Variants in SPOCD1 observed in about 807,000 individuals in gnomAD.
SPOCD1 encodes SPOC domain-containing protein 1.
SPOCD1 carries 64 observed loss-of-function variants against 92.2 expected under a neutral mutation model. The observed-to-expected ratio is 0.69, with a 90% CI of 0.57 to 0.86. The LOEUF is 0.86. Among genes scored for constraint, SPOCD1 ranks in the 40% least tolerant of loss-of-function variants. The pLI, the probability that SPOCD1 is intolerant of heterozygous loss-of-function variation, is 0.00. For synonymous variants in SPOCD1, 578 were observed against 619.3 expected, an observed-to-expected ratio of 0.93 and a Z score of 0.99; for missense variants, 1,360 against 1,543.1, an observed-to-expected ratio of 0.88 and a Z score of 1.99.
rs1647568744 is a variant in SPOCD1, at chr1:31,791,232, T to C, written c.3022A>G (p.Ser1008Gly). ...GGGAGCAGCACAGCCAGCAACAGAC[T>C]TGAGTGAGTGACCTCCAGACCTGGG... The part of the protein sequence containing the change: ...LSPGLEVTHS[S>G]LLLAVLLPKE... Residue 1008 changes from serine (S) to glycine (G), a missense_variant, in exon 16 of 16, where the codon AGT becomes GGT. By Grantham distance (56) the Ser-to-Gly change is moderately conservative (BLOSUM62 0). This residue lies in a region of SPOCD1 where 614 missense variants were observed against 757.8 expected (regional missense o/e 0.81). Transcript: ENST00000360482. 3 of 1,593,534 alleles carry C rather than the reference T, an allele frequency of 1.9e-6. No individual in the cohort carries two copies. The highest frequency in any genetic ancestry group is 2.6e-6 in the Non-Finnish European group (3 of 1,168,400).
Position 31,790,733 on chromosome 1 carries a change from G to A in SPOCD1, c.3521C>T (p.Ser1174Phe), listed in dbSNP as rs1647521919. The part of the protein sequence containing the change: ...QALLCPQTKS[S>F]IPRPLQRLSS... Reference sequence around the variant, plus strand: ...CAAACGCTGCAGAGGGCGGGGGATGGAGCTCTTGGTCTGGGGGCACAGTAA... The same window carrying A: ...CAAACGCTGCAGAGGGCGGGGGATGAAGCTCTTGGTCTGGGGGCACAGTAA... The change falls in exon 16 of 16, where the codon TCC becomes TTC. Residue 1174 changes from serine to phenylalanine, a missense_variant. By Grantham distance (155) the Ser-to-Phe change is radical. Transcript: ENST00000360482. 1 of 1,552,072 alleles carries A rather than the reference G, an allele frequency of 6.4e-7. No individual in the cohort carries two copies. Among genetic ancestry groups the A allele is most frequent in the Non-Finnish European group, 8.7e-7 (1 of 1,147,148 alleles).
chr1:31,793,419 T>A lies in SPOCD1; in HGVS notation c.2544A>T (p.Pro848=). ...SPTEPQDRVP[P]SGLHVPAAPT... ...GTGCAGCAGGCACATGGAGCCCAGA[T>A]GGAGGGACCCTAGAGGGAGGGACAG... The change falls in exon 13 of 16, where the codon CCA becomes CCT. Residue 848 remains proline, a synonymous_variant. Transcript: ENST00000360482. The A allele has an allele frequency of 6.3e-7, 1 of 1,590,240 alleles. No homozygotes were observed. Among genetic ancestry groups the A allele is most frequent in the South Asian group, 1.1e-5 (1 of 87,380 alleles).
intron 2 of SPOCD1, among the ~76,000 whole-genome samples, chr1:31,810,723 A>G (rs1649143480): frequency 1.3e-5 from 2 of 152,204 alleles, no homozygotes; most frequent in South Asian, 2.1e-4. Context: ...TAGTAGGCAC[A>G]CTAATGAAAC....
rs745696090 is a variant in SPOCD1 at position 31,799,428 on chromosome 1, C to T, written c.1841G>A (p.Arg614His). Residue 614 changes from arginine (R) to histidine (H), a missense_variant, in exon 7 of 16, where the codon CGT (arginine) becomes CAT (histidine). Arg to His is a conservative substitution (Grantham distance 29). Transcript: ENST00000360482. ...AGTCCATAGTACCTCCTGCATGGAA[C>T]GGACAACAGTGCCCCGCACCCCAAT... Reference protein sequence around the residue: ...LYIGVRGTVVRSMQEVLWTRL... With the variant: ...LYIGVRGTVVHSMQEVLWTRL... 55 of 1,611,276 alleles carry T rather than the reference C, an allele frequency of 3.4e-5. 1 individual carries two copies. The South Asian group carries it at 5.5e-4, about 16-fold the overall frequency.
Position 31,790,706 on chromosome 1 carries a change from G to A in SPOCD1, c.3548C>T (p.Ser1183Phe), listed in dbSNP as rs1428882034. Residue 1183 changes from serine (S) to phenylalanine (F), a missense_variant, in exon 16 of 16, where the codon TCT (serine) becomes TTT (phenylalanine). Coordinates refer to ENST00000360482, the MANE Select transcript of SPOCD1 (RefSeq NM_144569.7). ...SSIPRPLQRL[S>F]SALAAPEPPG... ...GGGCTCTGGAGCTGCAAGGGCGCTA[G>A]ACAAACGCTGCAGAGGGCGGGGGAT... The A allele has an allele frequency of 6.4e-7, 1 of 1,551,802 alleles. No individual in the cohort carries two copies. The highest frequency in any genetic ancestry group is 1.4e-5 in the African/African-American group (1 of 73,076).
rs544009900 is a variant in SPOCD1 at position 31,813,951 on chromosome 1, C to A, written c.1383G>T (p.Leu461=). 3 of 1,513,152 alleles carry A rather than the reference C, an allele frequency of 2.0e-6. No homozygotes were observed. The highest frequency in any genetic ancestry group is 2.8e-5 in the South Asian group (2 of 72,276). 93.7% of individuals were successfully genotyped at this position (1,513,152 alleles called of 1,614,324 possible). Residue 461 remains leucine, a splice_region_variant and synonymous_variant, in exon 2 of 16, where the codon CTG becomes CTT. Transcript: ENST00000360482. ...TCCCAAACTCTCAGACTCAGCTCAC[C>A]AGTCTGGGGCAGCCTCCTGGGCTGG... is the stretch of plus-strand genomic sequence containing the variant. ...EEPSPGGCPR[L]EEVKIPHGVK... is the part of the protein sequence containing the mutation.
At chr1:31,800,362 G>C in intron 4 of SPOCD1, 79 bp downstream of exon 4, 1 of 1,463,830 alleles carries the variant, frequency 6.8e-7, no homozygotes, top group Non-Finnish European at 9.1e-7. Context: ...CCCTCTCTCT[G>C]AGCCTCAGTG....
In SPOCD1 at chr1:31,800,440, C is replaced by T. The variant is rs1301829657; in HGVS notation, c.1602+1G>A. 2 of 1,577,960 alleles carry T rather than the reference C, an allele frequency of 1.3e-6. No homozygotes were observed. Among genetic ancestry groups the T allele is most frequent in the Non-Finnish European group, 1.7e-6 (2 of 1,160,654 alleles). On this transcript the variant is annotated splice_donor_variant, in intron 4 of 15. Transcript: ENST00000360482. LOFTEE classifies it high-confidence loss of function. ...ATTAAATGACATCACTTGTTCTGTA[C>T]CTGGCACCCAGCAGGGCCCTGCACC... is the stretch of plus-strand genomic sequence containing the variant.
chr1:31,812,729 C>T (rs1019709353), intron 2 of SPOCD1, among the ~76,000 whole-genome samples: 1 of 152,204 alleles, frequency 6.6e-6, no homozygotes, highest in African/African-American at 2.4e-5. Flanking sequence ...ACATGTTAAG[C>T]AAGCCAGATG....
chr1:31,806,314 A>G (rs1202253999), intron 2 of SPOCD1, among the ~76,000 whole-genome samples: 1 of 152,190 alleles, frequency 6.6e-6, no homozygotes, highest in Non-Finnish European at 1.5e-5. Context: ...AATACATATT[A>G]TTTTCCAGTA....
At chr1:31,810,354 AT>A (rs35691769) in intron 2 of SPOCD1, among the ~76,000 whole-genome samples, 1,437 of 137,902 alleles carry the variant, frequency 0.01, 16 homozygotes, top group African/African-American at 0.032. Context: ...TTAGTGTTGA[AT>A]TTTTTTTTTT....
At chr1:31,793,250 G>A (rs1211076270) in intron 13 of SPOCD1, 28 bp downstream of exon 13, 1 of 1,572,136 alleles carries the variant, frequency 6.4e-7, no homozygotes, top group Non-Finnish European at 8.6e-7. Flanking sequence ...GTGTGTAAGG[G>A]AATCCCTGGC....
At chr1:31,810,167 G>T (rs1649106714) in intron 2 of SPOCD1, among the ~76,000 whole-genome samples, 1 of 152,024 alleles carries the variant, frequency 6.6e-6, no homozygotes, top group Non-Finnish European at 1.5e-5. Flanking sequence ...CCACTAGACT[G>T]TAAGATCCCT....
chr1:31,804,262 C>G (rs1306424847), intron 2 of SPOCD1, among the ~76,000 whole-genome samples: 1 of 152,008 alleles, frequency 6.6e-6, no homozygotes, highest in Non-Finnish European at 1.5e-5. Flanking sequence ...AAAGAGGAAA[C>G]TAAGGCACAT....
chr1:31,791,802 G>A (rs1026713093), intron 15 of SPOCD1, among the ~76,000 whole-genome samples: 8 of 152,222 alleles, frequency 5.3e-5, no homozygotes, highest in Non-Finnish European at 1.5e-5. Flanking sequence ...GCAGTGTGGT[G>A]TGGTGGTTAG....
In SPOCD1 at chr1:31,793,789, A is replaced by G. The variant is rs761372273; in HGVS notation, c.2492T>C (p.Met831Thr). ...LSQTPMPAPE[M>T]PKTRELSPTE... ...GGGAGACAACTCCCTGGTTTTGGGC[A>G]TCTCTGGAGCAGGCATAGGAGTTTG... The change falls in exon 12 of 16, where the codon ATG becomes ACG. Residue 831 changes from methionine to threonine, a missense_variant. Met to Thr is a moderately conservative substitution (Grantham distance 81). This residue lies in a region of SPOCD1 where 614 missense variants were observed against 757.8 expected (regional missense o/e 0.81). Coordinates refer to ENST00000360482, the MANE Select transcript of SPOCD1 (RefSeq NM_144569.7). The G allele has an allele frequency of 1.3e-5, 21 of 1,614,092 alleles. No homozygotes were observed. The highest frequency in any genetic ancestry group is 1.8e-5 in the Non-Finnish European group (21 of 1,180,044).
intron 2 of SPOCD1, among the ~76,000 whole-genome samples, chr1:31,811,923 GC>G (rs1230592459): frequency 6.6e-6 from 1 of 152,172 alleles, no homozygotes; most frequent in Non-Finnish European, 1.5e-5. Context: ...ACTCAAACCA[GC>G]CCCCTTAAAG....
chr1:31,808,851 C>T (rs1174272359), intron 2 of SPOCD1, among the ~76,000 whole-genome samples: 1 of 151,316 alleles, frequency 6.6e-6, no homozygotes, highest in Non-Finnish European at 1.5e-5. Context: ...ATAAACAAAA[C>T]TCAATTGTGT....
chr1:31,798,164 C>A lies in SPOCD1; in HGVS notation c.2145+43G>T. ...TTCCACTCTCAGGCCACCCACTCTGCCCCTACATCCCCTCACCCATCCCGA... is the reference window on the plus strand; with the variant it reads ...TTCCACTCTCAGGCCACCCACTCTGACCCTACATCCCCTCACCCATCCCGA... On this transcript the variant is annotated intron_variant, in intron 9 of 15. Coordinates refer to ENST00000360482, the MANE Select transcript of SPOCD1 (RefSeq NM_144569.7). The surrounding 1 kb of genome is among the most constrained non-coding windows in gnomAD (Gnocchi z 4.1). 6.8e-7 allele frequency: 1 copy of A among 1,461,768 alleles called. No homozygotes were observed. Among genetic ancestry groups the A allele is most frequent in the Non-Finnish European group, 9.6e-7 (1 of 1,041,304 alleles). 90.5% of individuals were successfully genotyped at this position (1,461,768 alleles called of 1,614,324 possible).
Sources: allele counts gnomAD v4.1 joint callset (sites outside exome capture counted in the v4.1 genomes callset), GRCh38; gene constraint gnomAD v4.1.1; regional missense constraint gnomAD v4.1.1; non-coding constraint Gnocchi (gnomAD v3.1); transcripts MANE v1.5; gene names NCBI Gene and HGNC (gene_info 2026-07-23, HGNC 2026-07-21).